Variants in ST6GAL1 observed in about 807,000 individuals in gnomAD.
ST6GAL1 encodes beta-galactoside alpha-2,6-sialyltransferase 1.
In ST6GAL1, 20 loss-of-function variants were observed where a neutral mutation model predicts 38.0. The ratio of observed to expected loss-of-function variants is 0.53; its 90% CI spans 0.37 to 0.77. The LOEUF (loss-of-function observed/expected upper bound fraction) is 0.77, where lower values mean the gene tolerates loss of function less well. Among genes scored for constraint, ST6GAL1 ranks in the 30% least tolerant of loss-of-function variants. The pLI is 0.00. For missense variants in ST6GAL1, 432 were observed against 496.4 expected, an observed-to-expected ratio of 0.87 and a Z score of 1.23; for synonymous variants, 196 against 188.2, an observed-to-expected ratio of 1.04 and a Z score of -0.34.
intron 4 of ST6GAL1, 76 bp downstream of exon 4, chr3:187,043,386 G>A: frequency 1.3e-6 from 2 of 1,540,956 alleles, no homozygotes; most frequent in African/African-American, 2.7e-5. Flanking sequence ...TGGGAGACAA[G>A]TGGCCCAAGT....
At chr3:186,987,921 G>A (rs919343394) in intron 2 of ST6GAL1, among the ~76,000 whole-genome samples, 3 of 152,182 alleles carry the variant, frequency 2.0e-5, no homozygotes, top group Non-Finnish European at 4.4e-5. Context: ...TTTTCTGTAT[G>A]CATAATATCC....
chr3:186,931,695 G>A (rs139903530), intron 1 of ST6GAL1, among the ~76,000 whole-genome samples: 1 of 152,206 alleles, frequency 6.6e-6, no homozygotes, highest in African/African-American at 2.4e-5. Flanking sequence ...AAGAATGTAC[G>A]AGTCGCCCAG....
intron 3 of ST6GAL1, among the ~76,000 whole-genome samples, chr3:187,041,650 C>T (rs1196431396): frequency 6.6e-6 from 1 of 152,192 alleles, no homozygotes; most frequent in Non-Finnish European, 1.5e-5. Context: ...AAATCCACTT[C>T]GATTTGAACC....
chr3:187,066,447 T>C (rs1426453899), intron 5 of ST6GAL1, among the ~76,000 whole-genome samples: 1 of 152,132 alleles, frequency 6.6e-6, no homozygotes, highest in African/African-American at 2.4e-5. Flanking sequence ...CACAGCCCTA[T>C]TTCCAAACAG....
chr3:187,064,698 C>T, intron 5 of ST6GAL1: 1 of 448,934 alleles, frequency 2.2e-6, no homozygotes, highest in South Asian at 1.6e-5. Flanking sequence ...CCTGGCCGCT[C>T]CATGACAGCA....
At chr3:187,074,985 C>T (rs1719512860) in intron 7 of ST6GAL1, among the ~76,000 whole-genome samples, 1 of 152,102 alleles carries the variant, frequency 6.6e-6, no homozygotes, top group Middle Eastern at 3.2e-3. Context: ...CCAGGGGCCC[C>T]CTTCTTGGAT....
chr3:186,974,329 C>T (rs1715450930), intron 2 of ST6GAL1, among the ~76,000 whole-genome samples: 1 of 152,174 alleles, frequency 6.6e-6, no homozygotes, highest in African/African-American at 2.4e-5. Context: ...GCTTGGATCC[C>T]ACACCTTACA....
At chr3:186,951,387 A>G (rs1449317751) in intron 1 of ST6GAL1, among the ~76,000 whole-genome samples, 1 of 152,172 alleles carries the variant, frequency 6.6e-6, no homozygotes, top group Non-Finnish European at 1.5e-5. Context: ...TTAAGGGGAC[A>G]TTGGTGTTGT....
rs1252020964 is a variant in ST6GAL1, at chr3:187,038,789, A to G, written c.-135A>G. 6.6e-6 allele frequency: 1 copy of G among 152,234 alleles called. No individual in the cohort carries two copies. The highest frequency in any genetic ancestry group is 2.4e-5 in the African/African-American group (1 of 41,450). The allele number at this position is 152,234 out of a possible 1,614,324, so 9.4% of individuals were successfully genotyped here. ...AAAATGGGCCTTGGCCTGCAGACCC[A>G]ATAAACCTTCCCTCCCATGGATAAT... On this transcript the variant is annotated 5_prime_UTR_variant, in exon 3 of 8. Transcript: ENST00000169298.
At chr3:187,031,346 C>T (rs544141354) in intron 2 of ST6GAL1, among the ~76,000 whole-genome samples, 91 of 152,280 alleles carry the variant, frequency 6.0e-4, no homozygotes, top group South Asian at 4.3e-3. Context: ...ATTTATCTTC[C>T]CTGTCTCAGT....
intron 2 of ST6GAL1, chr3:186,996,557 A>C (rs2108549575): frequency 6.6e-6 from 1 of 152,250 alleles, no homozygotes; most frequent in African/African-American, 2.4e-5. Flanking sequence ...GGTGGTACTT[A>C]AGCTCCAAGA....
At chr3:187,017,261 C>G (rs990546456) in intron 2 of ST6GAL1, among the ~76,000 whole-genome samples, 2 of 152,184 alleles carry the variant, frequency 1.3e-5, no homozygotes, top group Admixed American at 6.5e-5. Flanking sequence ...CTCTCCCATT[C>G]TGCCCAAGGA....
chr3:186,938,273 AAACT>A (rs1714034279), intron 1 of ST6GAL1, among the ~76,000 whole-genome samples: 1 of 152,210 alleles, frequency 6.6e-6, no homozygotes, highest in Non-Finnish European at 1.5e-5. Context: ...GGAATGGGAA[AAACT>A]AACAGCGCAA....
chr3:186,959,921 GCT>G, intron 1 of ST6GAL1, among the ~76,000 whole-genome samples: 1 of 152,268 alleles, frequency 6.6e-6, no homozygotes, highest in Admixed American at 6.5e-5. Context: ...GCTCCTGGGT[GCT>G]GAGTGGGGAT....
At chr3:186,983,812 G>T (rs1023346643) in intron 2 of ST6GAL1, among the ~76,000 whole-genome samples, 2 of 152,070 alleles carry the variant, frequency 1.3e-5, no homozygotes, top group Non-Finnish European at 2.9e-5. Context: ...TTACGCCCAG[G>T]AATCCTTGCT....
At chr3:186,960,325 T>C (rs1714890552) in intron 1 of ST6GAL1, among the ~76,000 whole-genome samples, 1 of 151,608 alleles carries the variant, frequency 6.6e-6, no homozygotes, top group African/African-American at 2.4e-5. Flanking sequence ...GGCTCTAGAG[T>C]TGGGGGACAG....
chr3:187,047,147 G>A (rs531270374), intron 4 of ST6GAL1, among the ~76,000 whole-genome samples: 7 of 152,062 alleles, frequency 4.6e-5, no homozygotes, highest in Middle Eastern at 3.4e-3. Flanking sequence ...GGGTTTCACC[G>A]TGTTAGCCAG....
chr3:187,000,759 C>A (rs1716591642), intron 2 of ST6GAL1, among the ~76,000 whole-genome samples: 1 of 152,138 alleles, frequency 6.6e-6, no homozygotes, highest in South Asian at 2.1e-4. Context: ...ATTTATGTTT[C>A]TTTTCTGTTT....
intron 2 of ST6GAL1, among the ~76,000 whole-genome samples, chr3:186,966,601 A>G (rs1715131982): frequency 6.6e-6 from 1 of 152,254 alleles, no homozygotes; most frequent in Non-Finnish European, 1.5e-5. Flanking sequence ...GAACAGCTGC[A>G]GCTCAAAGTG....
Sources: gnomAD v4.1 joint callset for allele counts (sites outside exome capture counted in the v4.1 genomes callset) on GRCh38, gnomAD v4.1.1 for gene constraint, MANE v1.5 for transcripts, NCBI Gene and HGNC (gene_info 2026-07-23, HGNC 2026-07-21) for gene names.